LRP1B: variants seen among roughly 807,000 people sequenced by gnomAD.
LRP1B encodes LDL receptor related protein 1B, also known as low-density lipoprotein receptor-related protein 1B.
LRP1B carries 217 observed loss-of-function variants against 556.6 expected under a neutral mutation model. The ratio of observed to expected loss-of-function variants is 0.39; its 90% CI spans 0.35 to 0.44. LRP1B has a LOEUF of 0.44. Ranked by LOEUF, LRP1B falls within the 20% of genes least tolerant of loss-of-function variation. The pLI, the probability that LRP1B is intolerant of heterozygous loss-of-function variation, is 1.00. For synonymous variants in LRP1B, 2,047 were observed against 1,865.8 expected, an observed-to-expected ratio of 1.10 and a Z score of -2.50; for missense variants, 5,053 against 5,620.8, an observed-to-expected ratio of 0.90 and a Z score of 3.23.
intron 41 of LRP1B, among the ~76,000 whole-genome samples, chr2:140,639,496 G>A (rs1427153334): frequency 1.3e-5 from 2 of 152,144 alleles, no homozygotes; most frequent in Non-Finnish European, 2.9e-5. Flanking sequence ...GAATGTCACT[G>A]ACAGTTGATG....
intron 15 of LRP1B, among the ~76,000 whole-genome samples, chr2:140,995,770 G>A (rs1452461239): frequency 1.3e-5 from 2 of 151,990 alleles, no homozygotes; most frequent in African/African-American, 4.8e-5. Context: ...TATGTTTTGG[G>A]ATTCTATGCA....
At chr2:141,274,697 A>G (rs1467490701) in intron 3 of LRP1B, among the ~76,000 whole-genome samples, 1 of 152,190 alleles carries the variant, frequency 6.6e-6, no homozygotes, top group East Asian at 1.9e-4. Flanking sequence ...GGTAAATTGT[A>G]TGGTATGTAA....
chr2:140,797,592 A>T (rs1690361948), intron 32 of LRP1B, among the ~76,000 whole-genome samples: 1 of 152,128 alleles, frequency 6.6e-6, no homozygotes, highest in African/African-American at 2.4e-5. Context: ...TAATAATCTT[A>T]TACACATGAA....
intron 2 of LRP1B, among the ~76,000 whole-genome samples, chr2:141,640,451 A>T (rs748800663): frequency 6.6e-6 from 1 of 152,130 alleles, no homozygotes; most frequent in Non-Finnish European, 1.5e-5. Flanking sequence ...CTTTTATCAC[A>T]TGACACTTTC....
chr2:141,080,967 G>A (rs1342594096), intron 7 of LRP1B, among the ~76,000 whole-genome samples: 1 of 152,120 alleles, frequency 6.6e-6, no homozygotes, highest in African/African-American at 2.4e-5. Flanking sequence ...CAGGTAGCTA[G>A]AACCACAGGC....
intron 86 of LRP1B, among the ~76,000 whole-genome samples, chr2:140,258,570 G>A (rs1398680308): frequency 6.6e-6 from 1 of 152,032 alleles, no homozygotes; most frequent in East Asian, 1.9e-4. Context: ...ATTATAGCAA[G>A]TTCTGATTAT....
chr2:141,214,251 C>A (rs1682692104), intron 6 of LRP1B, among the ~76,000 whole-genome samples: 1 of 152,106 alleles, frequency 6.6e-6, no homozygotes, highest in African/African-American at 2.4e-5. Flanking sequence ...AATCCTGGAA[C>A]CAGAACTAAT....
intron 3 of LRP1B, among the ~76,000 whole-genome samples, chr2:141,404,243 T>C (rs1175594484): frequency 6.6e-6 from 1 of 152,190 alleles, no homozygotes; most frequent in African/African-American, 2.4e-5. Flanking sequence ...AATATCTGGT[T>C]AGAAATTTCA....
At chr2:141,702,502 A>C (rs1691976596) in intron 2 of LRP1B, among the ~76,000 whole-genome samples, 1 of 151,834 alleles carries the variant, frequency 6.6e-6, no homozygotes, top group Non-Finnish European at 1.5e-5. Flanking sequence ...TAAATCCAAC[A>C]AATTATCCTT....
At chr2:141,519,753 C>T (rs552854425) in intron 2 of LRP1B, among the ~76,000 whole-genome samples, 2 of 151,932 alleles carry the variant, frequency 1.3e-5, no homozygotes, top group Non-Finnish European at 2.9e-5. Flanking sequence ...GTAAGGAAAA[C>T]AGAAATTCAG....
intron 3 of LRP1B, among the ~76,000 whole-genome samples, chr2:141,325,316 T>C (rs16845789): frequency 0.033 from 5,073 of 152,138 alleles, 304 homozygotes; most frequent in African/African-American, 0.12. Flanking sequence ...TCTATGATAA[T>C]CAAGGGCTGC....
At chr2:141,574,240 T>C (rs1284289299) in intron 2 of LRP1B, among the ~76,000 whole-genome samples, 1 of 152,154 alleles carries the variant, frequency 6.6e-6, no homozygotes, top group Non-Finnish European at 1.5e-5. Flanking sequence ...AAAAAACTTA[T>C]CCACCACGAT....
intron 3 of LRP1B, among the ~76,000 whole-genome samples, chr2:141,391,024 G>C (rs932950497): frequency 6.6e-6 from 1 of 152,016 alleles, no homozygotes; most frequent in African/African-American, 2.4e-5. Context: ...TTAAGGAAAT[G>C]GCATTTAAAT....
intron 2 of LRP1B, among the ~76,000 whole-genome samples, chr2:141,798,919 T>C (rs1442596192): frequency 6.6e-6 from 1 of 151,618 alleles, no homozygotes; most frequent in Non-Finnish European, 1.5e-5. Context: ...ACTGGTGCCC[T>C]TGTGAGAAGA....
At chr2:140,628,257 G>A (rs1277978836) in intron 41 of LRP1B, among the ~76,000 whole-genome samples, 6 of 152,224 alleles carry the variant, frequency 3.9e-5, no homozygotes, top group African/African-American at 9.6e-5. Flanking sequence ...CTGGCTGGGC[G>A]CAGTGGCTCA....
In LRP1B at chr2:141,747,622, T is replaced by A. The variant is rs1291391386; in HGVS notation, c.205+62657A>T. Among the ~76,000 whole-genome samples the A allele has an allele frequency of 6.6e-5, 10 of 152,248 alleles. No individual in the cohort carries two copies. In the East Asian group the frequency reaches 1.9e-3, roughly 29 times the overall value. Reference sequence around the variant, plus strand: ...ACTGTACTGGGTGACAGAGCGAGACTCTAAATAAATAAATAAATCTAATTA... The same window carrying A: ...ACTGTACTGGGTGACAGAGCGAGACACTAAATAAATAAATAAATCTAATTA... On this transcript the variant is annotated intron_variant, in intron 2 of 90. Coordinates refer to ENST00000389484, the MANE Select transcript of LRP1B (RefSeq NM_018557.3).
intron 53 of LRP1B, among the ~76,000 whole-genome samples, chr2:140,504,731 T>A (rs1026144888): frequency 6.6e-6 from 1 of 152,176 alleles, no homozygotes; most frequent in Non-Finnish European, 1.5e-5. Context: ...TTCCCTTTTA[T>A]CCTCCATGTC....
chr2:141,999,506 CTTGT>C (rs1317446700), intron 1 of LRP1B, among the ~76,000 whole-genome samples: 11 of 151,942 alleles, frequency 7.2e-5, no homozygotes, highest in Non-Finnish European at 1.5e-5. Context: ...ACCGCAATGG[CTTGT>C]TTAATTTTAT....
Position 140,402,523 on chromosome 2 carries a change from C to T in LRP1B, c.10415-16514G>A, listed in dbSNP as rs1684551664. ...TGCATGAGAGGCAGACTCACAATTC[C>T]TCTCTACTTGGAATATCAACATTCC... On this transcript the variant is annotated intron_variant, in intron 66 of 90. Transcript: ENST00000389484. Among the ~76,000 whole-genome samples, 4 of 152,298 alleles carry T rather than the reference C, an allele frequency of 2.6e-5. No homozygotes were observed. In the South Asian group the frequency reaches 8.3e-4, roughly 32 times the overall value.
Sources: gnomAD v4.1 joint callset for allele counts (sites outside exome capture counted in the v4.1 genomes callset) on GRCh38, gnomAD v4.1.1 for gene constraint, MANE v1.5 for transcripts, NCBI Gene and HGNC (gene_info 2026-07-23, HGNC 2026-07-21) for gene names.